PTPRD: variants seen among roughly 807,000 people sequenced by gnomAD.
PTPRD encodes the protein receptor-type tyrosine-protein phosphatase delta.
A neutral mutation model predicts 214.5 loss-of-function variants in PTPRD; 34 were observed. The observed-to-expected ratio is 0.16, with a 90% CI of 0.12 to 0.21. The LOEUF is 0.21. PTPRD is among the 10% of genes least tolerant of loss of function. PTPRD has a pLI of 1.00. For missense variants in PTPRD, 2,545 were observed against 2,398.7 expected (o/e 1.06, Z -1.27); for synonymous variants, 1,128 against 845.7 (o/e 1.33, Z -5.79).
Position 8,338,975 on chromosome 9 carries a change from C to G in PTPRD, c.5326G>C (p.Glu1776Gln), listed in dbSNP as rs2132226669. The change falls in exon 43 of 46, where the codon GAG (glutamate) becomes CAG (glutamine). Residue 1776 changes from glutamate to glutamine, a missense_variant. By Grantham distance (29) the Glu-to-Gln change is conservative (BLOSUM62 2). Transcript: ENST00000381196. The part of the protein sequence containing the change: ...YQYFVVDPMA[E>Q]YNMPQYILRE... ...AGGATATACTGTGGCATGTTGTACT[C>G]AGCCATGGGATCTACAACAAAGTAC... 1 of 1,612,416 alleles carries G rather than the reference C, an allele frequency of 6.2e-7. No individual in the cohort carries two copies.
chr9:9,852,876 C>A (rs1228811113), intron 5 of PTPRD, among the ~76,000 whole-genome samples: 1 of 152,088 alleles, frequency 6.6e-6, no homozygotes, highest in Non-Finnish European at 1.5e-5. Context: ...TAAATCTACA[C>A]AATAGCAGAT....
At chr9:9,719,509 T>A (rs1027749396) in intron 7 of PTPRD, among the ~76,000 whole-genome samples, 1 of 151,788 alleles carries the variant, frequency 6.6e-6, no homozygotes, top group African/African-American at 2.4e-5. Context: ...TCCTGCCCTC[T>A]GCTGGTACCA....
intron 3 of PTPRD, among the ~76,000 whole-genome samples, chr9:10,238,267 T>C (rs2099635663): frequency 6.6e-6 from 1 of 151,780 alleles, no homozygotes; most frequent in African/African-American, 2.4e-5. Context: ...AAACTGCCTG[T>C]TGTAACCTGA....
At chr9:9,321,009 G>A (rs556521560) in intron 9 of PTPRD, among the ~76,000 whole-genome samples, 3 of 152,244 alleles carry the variant, frequency 2.0e-5, no homozygotes, top group African/African-American at 7.2e-5. Context: ...ATGGGTCAGT[G>A]AATGTTCAAG....
intron 14 of PTPRD, among the ~76,000 whole-genome samples, chr9:8,610,969 A>T (rs1455196434): frequency 6.6e-6 from 1 of 152,172 alleles, no homozygotes; most frequent in Non-Finnish European, 1.5e-5. Context: ...CCACATCAAC[A>T]ACCATTATGG....
At chr9:9,902,716 T>C (rs2076686063) in intron 5 of PTPRD, among the ~76,000 whole-genome samples, 1 of 152,092 alleles carries the variant, frequency 6.6e-6, no homozygotes, top group Non-Finnish European at 1.5e-5. Context: ...TACAGATCAG[T>C]AGGTAGGATG....
chr9:10,516,418 T>A (rs2050132992), intron 2 of PTPRD, among the ~76,000 whole-genome samples: 1 of 151,944 alleles, frequency 6.6e-6, no homozygotes, highest in African/African-American at 2.4e-5. Context: ...TTTAATGAGG[T>A]TATTAGATTT....
chr9:9,582,306 C>T (rs1170834192), intron 7 of PTPRD, among the ~76,000 whole-genome samples: 3 of 151,838 alleles, frequency 2.0e-5, no homozygotes, highest in Non-Finnish European at 4.4e-5. Context: ...GAGGCATGTT[C>T]CTCTTTGTCC....
chr9:9,455,459 A>G (rs1429612812), intron 8 of PTPRD, among the ~76,000 whole-genome samples: 1 of 151,654 alleles, frequency 6.6e-6, no homozygotes, highest in Non-Finnish European at 1.5e-5. Context: ...CAGAACATTA[A>G]CAATCATTCC....
chr9:9,847,315 T>C (rs979406751), intron 5 of PTPRD, among the ~76,000 whole-genome samples: 2 of 152,178 alleles, frequency 1.3e-5, no homozygotes, highest in African/African-American at 4.8e-5. Context: ...ATGTGTTCTA[T>C]GGTATTTTGA....
chr9:8,441,230 T>C (rs963512552), intron 34 of PTPRD, among the ~76,000 whole-genome samples: 2 of 152,172 alleles, frequency 1.3e-5, no homozygotes, highest in African/African-American at 4.8e-5. Context: ...TTCTTTACTA[T>C]GTGAAAAACA....
chr9:9,325,991 G>C (rs1969913440), intron 9 of PTPRD, among the ~76,000 whole-genome samples: 1 of 152,008 alleles, frequency 6.6e-6, no homozygotes. Context: ...GCGATGGACT[G>C]TGTTTATTGA....
At chr9:8,323,310 C>A (rs528585564) in intron 44 of PTPRD, among the ~76,000 whole-genome samples, 1 of 152,046 alleles carries the variant, frequency 6.6e-6, no homozygotes, top group Non-Finnish European at 1.5e-5. Context: ...ATTCTGCAGC[C>A]CAATGGATCA....
At chr9:9,325,914 C>T (rs368187506) in intron 9 of PTPRD, among the ~76,000 whole-genome samples, 2 of 152,046 alleles carry the variant, frequency 1.3e-5, no homozygotes, top group African/African-American at 4.8e-5. Flanking sequence ...GGCTGTTGAA[C>T]TTTGTCAAAG....
intron 11 of PTPRD, among the ~76,000 whole-genome samples, chr9:8,786,033 TTGTGTGTGTGTGTGTG>T (rs34200290): frequency 8.4e-5 from 12 of 143,222 alleles, no homozygotes; most frequent in African/African-American, 3.0e-4. Context: ...GCTTAATTTG[TTGTGTGTGTGTGTGTG>T]TGTGTGTGTG....
intron 12 of PTPRD, among the ~76,000 whole-genome samples, chr9:8,642,781 C>G (rs117681221): frequency 1.3e-5 from 2 of 152,272 alleles, no homozygotes; most frequent in East Asian, 3.9e-4. Flanking sequence ...ATGGGGCATC[C>G]AGAGTTTGTG....
chr9:10,030,798 A>G (rs1443150733), intron 4 of PTPRD, among the ~76,000 whole-genome samples: 1 of 152,188 alleles, frequency 6.6e-6, no homozygotes, highest in Non-Finnish European at 1.5e-5. Context: ...GTAATTTGTC[A>G]TACTCCCATC....
chr9:10,405,580 T>C (rs2098341149), intron 2 of PTPRD, among the ~76,000 whole-genome samples: 1 of 151,668 alleles, frequency 6.6e-6, no homozygotes, highest in South Asian at 2.1e-4. Flanking sequence ...TCTGACTGTC[T>C]GGTTCAGAAT....
chr9:8,355,779 G>C (rs898538753), intron 39 of PTPRD, among the ~76,000 whole-genome samples: 2 of 152,214 alleles, frequency 1.3e-5, no homozygotes, highest in Non-Finnish European at 2.9e-5. Flanking sequence ...CTCTGTCCCA[G>C]AGGTTCTTAT....
Sources: allele counts gnomAD v4.1 joint callset (sites outside exome capture counted in the v4.1 genomes callset), GRCh38; gene constraint gnomAD v4.1.1; transcripts MANE v1.5; gene names NCBI Gene and HGNC (gene_info 2026-07-23, HGNC 2026-07-21).